Variants in HECW1 observed in about 807,000 individuals in gnomAD.
The protein encoded by HECW1 is E3 ubiquitin-protein ligase HECW1.
A neutral mutation model predicts 182.3 loss-of-function variants in HECW1; 61 were observed. The ratio of observed to expected loss-of-function variants is 0.33; its 90% CI spans 0.27 to 0.41. The LOEUF is 0.41. Ranked by LOEUF, HECW1 falls within the 10% of genes least tolerant of loss-of-function variation. The probability of loss-of-function intolerance (pLI) is 1.00; values close to 1 mark genes in which losing one functional copy is unlikely to be tolerated. For missense variants in HECW1, 1,739 were observed against 2,108.9 expected (o/e 0.82, Z 3.44); for synonymous variants, 859 against 832.6 (o/e 1.03, Z -0.55).
chr7:43,493,813 A>C (rs1335350305), intron 19 of HECW1, among the ~76,000 whole-genome samples: 2 of 152,212 alleles, frequency 1.3e-5, no homozygotes, highest in Non-Finnish European at 2.9e-5. Context: ...GGTTAAGAGT[A>C]CATCTCTTTG....
At chr7:43,556,398 C>A (rs1391708086) in intron 29 of HECW1, among the ~76,000 whole-genome samples, 1 of 152,192 alleles carries the variant, frequency 6.6e-6, no homozygotes, top group Non-Finnish European at 1.5e-5. Flanking sequence ...AAACAAAAGA[C>A]CCTGCTGTCT....
intron 24 of HECW1, among the ~76,000 whole-genome samples, chr7:43,513,363 G>A (rs2079973536): frequency 6.6e-6 from 1 of 152,170 alleles, no homozygotes; most frequent in Non-Finnish European, 1.5e-5. Flanking sequence ...CACTGCACGT[G>A]GTCCTGCAGC....
intron 14 of HECW1, among the ~76,000 whole-genome samples, chr7:43,464,769 A>G (rs2077705628): frequency 6.6e-6 from 1 of 152,112 alleles, no homozygotes; most frequent in South Asian, 2.1e-4. Context: ...TTTACCAGGT[A>G]TGCTAACTAA....
chr7:43,152,486 A>G (rs1789443585), intron 2 of HECW1, among the ~76,000 whole-genome samples: 1 of 152,204 alleles, frequency 6.6e-6, no homozygotes, highest in Non-Finnish European at 1.5e-5. Flanking sequence ...AATTTTTCAG[A>G]GCATTATATT....
Position 43,500,123 on chromosome 7 carries a change from T to G in HECW1, c.3438-576T>G, listed in dbSNP as rs544804895. Among the ~76,000 whole-genome samples, 187 of 148,618 alleles carry G rather than the reference T, an allele frequency of 1.3e-3. 1 individual carries two copies. Among genetic ancestry groups the G allele is most frequent in the Non-Finnish European group, 2.2e-3 (150 of 66,786 alleles). ...ACAGTCTTTTTTTTTTTTTTTGAGATGAAGTCTTCCTCTGTCGCCCAGGCT... is the reference window on the plus strand; with the variant it reads ...ACAGTCTTTTTTTTTTTTTTTGAGAGGAAGTCTTCCTCTGTCGCCCAGGCT... On this transcript the variant is annotated intron_variant, in intron 19 of 29. Coordinates refer to ENST00000395891, the MANE Select transcript of HECW1 (RefSeq NM_015052.5).
intron 2 of HECW1, among the ~76,000 whole-genome samples, chr7:43,163,917 G>A (rs1198899834): frequency 6.6e-6 from 1 of 152,216 alleles, no homozygotes; most frequent in African/African-American, 2.4e-5. Context: ...TCTGGCAAGA[G>A]CAAGTAATTT....
intron 28 of HECW1, 67 bp from the exon 29 acceptor site, chr7:43,554,525 C>A: frequency 7.3e-7 from 1 of 1,367,514 alleles, no homozygotes; most frequent in Non-Finnish European, 1.0e-6. Flanking sequence ...TTTGATCTCT[C>A]TCTCCCTCCT....
chr7:43,171,421 G>A (rs1299527949), intron 2 of HECW1, among the ~76,000 whole-genome samples: 1 of 152,158 alleles, frequency 6.6e-6, no homozygotes. Flanking sequence ...CTCAAAGCTT[G>A]AATGAACGTT....
intron 19 of HECW1, among the ~76,000 whole-genome samples, chr7:43,495,521 T>C (rs142374381): frequency 3.0e-4 from 46 of 152,340 alleles, no homozygotes; most frequent in Admixed American, 7.8e-4. Flanking sequence ...CTAAGCTCTT[T>C]AGAGCAAGGC....
intron 24 of HECW1, among the ~76,000 whole-genome samples, chr7:43,522,065 C>CT (rs1265103767): frequency 6.6e-6 from 1 of 152,172 alleles, no homozygotes; most frequent in African/African-American, 2.4e-5. Flanking sequence ...AGAACAAGGC[C>CT]TTACCAGACC....
intron 3 of HECW1, among the ~76,000 whole-genome samples, chr7:43,280,410 C>T (rs768829575): frequency 5.9e-5 from 9 of 152,058 alleles, no homozygotes; most frequent in Non-Finnish European, 1.0e-4. Flanking sequence ...CAAAAAAGGG[C>T]GATTAAAATG....
At chr7:43,560,577 CT>C (rs1563129326) in intron 29 of HECW1, among the ~76,000 whole-genome samples, 1 of 152,118 alleles carries the variant, frequency 6.6e-6, no homozygotes, top group Non-Finnish European at 1.5e-5. Context: ...GAAACCCCAC[CT>C]TCCCTCTTTC....
intron 10 of HECW1, among the ~76,000 whole-genome samples, chr7:43,443,616 G>C (rs539312761): frequency 6.6e-6 from 1 of 152,296 alleles, no homozygotes; most frequent in South Asian, 2.1e-4. Context: ...ATGCTACCTC[G>C]TGAATGGCTG....
At chr7:43,273,228 A>G (rs1467047902) in intron 3 of HECW1, among the ~76,000 whole-genome samples, 1 of 152,196 alleles carries the variant, frequency 6.6e-6, no homozygotes. Flanking sequence ...TACAATGCTC[A>G]GTACCTGGTT....
chr7:43,468,525 C>T (rs1563018748), intron 15 of HECW1, among the ~76,000 whole-genome samples: 1 of 145,866 alleles, frequency 6.9e-6, no homozygotes, highest in African/African-American at 2.5e-5. Flanking sequence ...TGCACATTCA[C>T]TTTTTTTTTT....
rs200748119 is a variant in HECW1 at position 43,246,140 on chromosome 7, TAAA to T, written c.27+2219_27+2221del. On this transcript the variant is annotated intron_variant, in intron 3 of 29. Transcript: ENST00000395891. ...AGGGAGATCCCATTTCTATGAAAAA[TAAA>T]AAAAAAAAAATTAGCTGGGCATGAT... 2.8e-5 allele frequency among the ~76,000 whole-genome samples: 4 copies of T among 144,284 alleles called. No homozygotes were observed. The East Asian group carries it at 8.4e-4, about 30-fold the overall frequency. The allele number at this position is 144,284 out of a possible 152,430, so 94.7% of individuals were successfully genotyped here.
chr7:43,144,617 C>T (rs6960763), intron 2 of HECW1, among the ~76,000 whole-genome samples: 68,295 of 151,844 alleles, frequency 0.45, 15,484 homozygotes, highest in African/African-American at 0.46. Context: ...GTCTGGGAGC[C>T]CTTTTATTGA....
chr7:43,280,015 G>A (rs1803683523), intron 3 of HECW1, among the ~76,000 whole-genome samples: 1 of 152,198 alleles, frequency 6.6e-6, no homozygotes, highest in African/African-American at 2.4e-5. Context: ...CACTGGGGAG[G>A]CTGAAGAGGA....
chr7:43,330,667 G>T (rs1289122892), intron 5 of HECW1, among the ~76,000 whole-genome samples: 4 of 152,196 alleles, frequency 2.6e-5, no homozygotes, highest in Non-Finnish European at 4.4e-5. Context: ...GTGGCCATGT[G>T]GGGGCTATGG....
Sources: gnomAD v4.1 joint callset for allele counts (sites outside exome capture counted in the v4.1 genomes callset) on GRCh38, gnomAD v4.1.1 for gene constraint, MANE v1.5 for transcripts, NCBI Gene and HGNC (gene_info 2026-07-23, HGNC 2026-07-21) for gene names.